HNRNPL: variants seen among roughly 807,000 people sequenced by gnomAD.
The protein encoded by HNRNPL is epididymis secretory sperm binding protein.
Under a neutral mutation model 64.0 loss-of-function variants are expected in HNRNPL, and 12 were observed. The observed-to-expected ratio is 0.19, with a 90% CI of 0.12 to 0.30. HNRNPL has a LOEUF of 0.30. Among genes scored for constraint, HNRNPL ranks in the 10% least tolerant of loss-of-function variants. HNRNPL has a pLI of 1.00. For missense variants in HNRNPL, 484 were observed against 797.4 expected (o/e 0.61, Z 4.73); for synonymous variants, 385 against 313.0 (o/e 1.23, Z -2.43).
At chr19:38,843,730 G>A (rs1020682114) in intron 6 of HNRNPL, 112 bp downstream of exon 6, 56 of 886,656 alleles carry the variant, frequency 6.3e-5, no homozygotes, top group Middle Eastern at 3.0e-4. Flanking sequence ...GCCCTCCCAT[G>A]TCCATGGGGG....
upstream of HNRNPL, chr19:38,850,169 T>C (rs934285075): frequency 1.2e-5 from 5 of 422,848 alleles, no homozygotes; most frequent in African/African-American, 8.2e-5. Flanking sequence ...TCCTTATAGG[T>C]GGTCGCTTTC....
rs145851690 is a variant in HNRNPL at position 38,838,788 on chromosome 19, CTG to C, written c.1355+104_1355+105del. Reference sequence around the variant, plus strand: ...GGAACACACCTGCCACATCCCATTTCTGTGTGAGTCAACACCTCGGCCTCACT... The same window carrying C: ...GGAACACACCTGCCACATCCCATTTCTGTGAGTCAACACCTCGGCCTCACT... On this transcript the variant is annotated intron_variant, in intron 9 of 12. Coordinates refer to ENST00000221419, the MANE Select transcript of HNRNPL (RefSeq NM_001533.3). 14,624 of 1,481,010 alleles carry C rather than the reference CTG, an allele frequency of 9.9e-3. 737 individuals are homozygous for C. In the East Asian group the frequency reaches 0.11, roughly 11 times the overall value. 91.7% of individuals were successfully genotyped at this position (1,481,010 alleles called of 1,614,324 possible).
In HNRNPL at chr19:38,838,959, G is replaced by A. The variant is rs142725492; in HGVS notation, c.1290C>T (p.Tyr430=). Residue 430 remains tyrosine (Y), a synonymous_variant, in exon 9 of 13, where the codon TAC becomes TAT. Coordinates refer to ENST00000221419, the MANE Select transcript of HNRNPL (RefSeq NM_001533.3). ...GAAMVEMADG[Y]AVDRAITHLN... ...GGTGGGTAATGGCCCGGTCTACAGC[G>A]TAGCCATCAGCCATCTCCACCATGG... The A allele has an allele frequency of 1.4e-4, 233 of 1,614,070 alleles. 1 individual carries two copies. The African/African-American group carries it at 2.3e-3, about 16-fold the overall frequency.
rs1459666943 is a variant in HNRNPL, at chr19:38,844,377, C to T, written c.711-273G>A. ...ACCAGCAACCTCTTCTGCCACACCA[C>T]TTTCTCCGTCTCAGCCCTCTCACAC... On this transcript the variant is annotated intron_variant, in intron 4 of 12. Coordinates refer to ENST00000221419, the MANE Select transcript of HNRNPL (RefSeq NM_001533.3). Among the ~76,000 whole-genome samples, 8 of 152,328 alleles carry T rather than the reference C, an allele frequency of 5.3e-5. No homozygotes were observed. In the East Asian group the frequency reaches 1.3e-3, roughly 26 times the overall value.
intron 8 of HNRNPL, 149 bp downstream of exon 8, chr19:38,839,947 G>A (rs1377143410): frequency 1.9e-5 from 13 of 691,510 alleles, no homozygotes; most frequent in East Asian, 2.5e-5. Context: ...AACAAAACCC[G>A]TCTGCAAGCA....
At chr19:38,838,189 T>C (rs1971992761) in intron 10 of HNRNPL, among the ~76,000 whole-genome samples, 1 of 152,244 alleles carries the variant, frequency 6.6e-6, no homozygotes, top group Non-Finnish European at 1.5e-5. Context: ...GCAAATGGTG[T>C]TGCTAGAAAC....
chr19:38,844,167 A>G (rs1972207039), intron 4 of HNRNPL, 63 bp from the exon 5 acceptor site: 2 of 1,100,746 alleles, frequency 1.8e-6, no homozygotes, highest in Admixed American at 3.4e-5. Context: ...AAGTTACCCC[A>G]GAGTGTGATA....
intron 8 of HNRNPL, 144 bp downstream of exon 8, chr19:38,839,952 C>T: frequency 1.4e-6 from 1 of 713,506 alleles, no homozygotes; most frequent in Non-Finnish European, 2.4e-6. Flanking sequence ...AACCCGTCTG[C>T]AAGCAGGCTG....
chr19:38,845,298 G>A (rs912161908), intron 4 of HNRNPL: 1 of 193,658 alleles, frequency 5.2e-6, no homozygotes, highest in Non-Finnish European at 1.1e-5. Context: ...TTGAACCCAG[G>A]AGGCAGAGGT....
intron 1 of HNRNPL, among the ~76,000 whole-genome samples, chr19:38,849,018 C>G (rs1972402752): frequency 6.6e-6 from 1 of 152,178 alleles, no homozygotes; most frequent in Non-Finnish European, 1.5e-5. Flanking sequence ...GAAATGCTTC[C>G]AACATGGCCA....
intron 1 of HNRNPL, 124 bp downstream of exon 1, chr19:38,849,576 A>G (rs1972430431): frequency 2.5e-6 from 3 of 1,221,742 alleles, no homozygotes; most frequent in Non-Finnish European, 3.1e-6. Flanking sequence ...CCTCCCCCAC[A>G]CCGTCAACGA....
At position 38,840,477 on chromosome 19, in the gene HNRNPL, C is replaced by T. The variant is rs766305798; in HGVS notation, c.952+11G>A. On this transcript the variant is annotated intron_variant, in intron 7 of 12. Coordinates refer to ENST00000221419, the MANE Select transcript of HNRNPL (RefSeq NM_001533.3). Reference sequence around the variant, plus strand: ...CACGGGAGTCCACGGAGGGGAACCCCCTGCCCTCACCATATTCTGCGGGGT... The same window carrying T: ...CACGGGAGTCCACGGAGGGGAACCCTCTGCCCTCACCATATTCTGCGGGGT... 4 of 1,587,418 alleles carry T rather than the reference C, an allele frequency of 2.5e-6. No individual in the cohort carries two copies. Among genetic ancestry groups the T allele is most frequent in the Non-Finnish European group, 3.4e-6 (4 of 1,168,370 alleles).
chr19:38,838,757 C>A, intron 9 of HNRNPL, 137 bp downstream of exon 9: 14 of 1,345,018 alleles, frequency 1.0e-5, no homozygotes, highest in Non-Finnish European at 1.5e-5. Context: ...GTCAGAGACA[C>A]GTCTGGGAAC....
At chr19:38,850,285 T>C (rs934445488), upstream of HNRNPL, 3 of 304,654 alleles carry the variant, frequency 9.8e-6, no homozygotes, top group African/African-American at 6.5e-5. Context: ...GGAACGGCGC[T>C]CTAAACCTCC....
chr19:38,849,520 A>G (rs1432926422), intron 1 of HNRNPL, among the ~76,000 whole-genome samples, 180 bp downstream of exon 1: 1 of 151,596 alleles, frequency 6.6e-6, no homozygotes, highest in Non-Finnish European at 1.5e-5. Flanking sequence ...GCGCACGCGC[A>G]GGCGCCTGTC....
At chr19:38,843,534 A>G (rs1031666745) in intron 6 of HNRNPL, 6 of 396,448 alleles carry the variant, frequency 1.5e-5, no homozygotes, top group Admixed American at 8.5e-5. Flanking sequence ...CTCTCAAAGG[A>G]GCCACTGCTG....
chr19:38,846,386 GCAACTTTCTAAGAGAAGCATCCAGATA>G (rs1167116239), intron 2 of HNRNPL, among the ~76,000 whole-genome samples: 1 of 152,174 alleles, frequency 6.6e-6, no homozygotes, highest in Non-Finnish European at 1.5e-5. Flanking sequence ...CTCTAGGAGG[GCAACTTTCTAAGAGAAGCATCCAGATA>G]CAGCTCACTA....
chr19:38,844,233 A>C (rs1600060951), intron 4 of HNRNPL, 129 bp from the exon 5 acceptor site: 1 of 650,922 alleles, frequency 1.5e-6, no homozygotes, highest in Non-Finnish European at 2.7e-6. Context: ...GGATTAGCTC[A>C]CTGCCCAGCC....
At chr19:38,843,544 G>C (rs1263030262) in intron 6 of HNRNPL, 1 of 415,162 alleles carries the variant, frequency 2.4e-6, no homozygotes, top group African/African-American at 2.0e-5. Flanking sequence ...AGCCACTGCT[G>C]GTTTCTAAGG....
Sources: allele counts gnomAD v4.1 joint callset (sites outside exome capture counted in the v4.1 genomes callset), GRCh38; gene constraint gnomAD v4.1.1; transcripts MANE v1.5; gene names NCBI Gene and HGNC (gene_info 2026-07-23, HGNC 2026-07-21).